Variants in C19orf18 observed in about 807,000 individuals in gnomAD.
C19orf18 encodes uncharacterized protein C19orf18.
C19orf18 carries 21 observed loss-of-function variants against 23.3 expected under a neutral mutation model. The observed-to-expected ratio is 0.90, with a 90% CI of 0.64 to 1.30. The LOEUF is 1.30. Among genes scored for constraint, C19orf18 ranks in the 50% most tolerant of loss-of-function variants. C19orf18 has a pLI of 0.00. For synonymous variants in C19orf18, 96 were observed against 95.2 expected (o/e 1.01, Z -0.05); for missense variants, 249 against 259.6 (o/e 0.96, Z 0.28).
chr19:57,966,353 T>A (rs2072907957), intron 4 of C19orf18, among the ~76,000 whole-genome samples, 177 bp downstream of exon 4: 2 of 152,126 alleles, frequency 1.3e-5, no homozygotes, highest in South Asian at 4.1e-4. Context: ...TTCATGTGTA[T>A]CATGCCTCAA....
intron 4 of C19orf18, among the ~76,000 whole-genome samples, chr19:57,963,845 A>G (rs1049445033): frequency 2.0e-5 from 3 of 152,098 alleles, no homozygotes; most frequent in Non-Finnish European, 2.9e-5. Context: ...AGCTGAGATG[A>G]CGCCACTGCA....
intron 3 of C19orf18, among the ~76,000 whole-genome samples, chr19:57,968,676 T>C (rs1335108476): frequency 6.6e-6 from 1 of 152,148 alleles, no homozygotes; most frequent in Non-Finnish European, 1.5e-5. Flanking sequence ...ATGAATAGCA[T>C]ATTTTTAATA....
intron 4 of C19orf18, among the ~76,000 whole-genome samples, chr19:57,961,892 CTT>C (rs534369230): frequency 1.1e-3 from 157 of 148,292 alleles, no homozygotes; most frequent in African/African-American, 3.7e-3. Flanking sequence ...TTTTCTTTCT[CTT>C]TTTTTTCCTT....
At chr19:57,963,129 T>C (rs2072885082) in intron 4 of C19orf18, among the ~76,000 whole-genome samples, 1 of 150,352 alleles carries the variant, frequency 6.7e-6, no homozygotes, top group South Asian at 2.1e-4. Context: ...CAGGTTCAAG[T>C]GATTCTCCTG....
intron 4 of C19orf18, among the ~76,000 whole-genome samples, chr19:57,964,522 T>A (rs571447573): frequency 1.3e-5 from 2 of 152,282 alleles, no homozygotes; most frequent in Non-Finnish European, 2.9e-5. Context: ...GCTTAAGGGA[T>A]CCACCCGCCT....
At chr19:57,964,956 C>G (rs73064281) in intron 4 of C19orf18, among the ~76,000 whole-genome samples, 1 of 152,060 alleles carries the variant, frequency 6.6e-6, no homozygotes, top group Non-Finnish European at 1.5e-5. Context: ...TCACTCAAAA[C>G]AGCTTGACCC....
At chr19:57,961,653 TG>T in intron 4 of C19orf18, 102 bp from the exon 5 acceptor site, 1 of 1,315,922 alleles carries the variant, frequency 7.6e-7, no homozygotes, top group East Asian at 2.3e-5. Flanking sequence ...GCTTGTGGAG[TG>T]GGTGCAGACA....
rs1229611060 is a variant in C19orf18, at chr19:57,974,351, C to T, written c.82G>A (p.Asp28Asn). Residue 28 changes from aspartate to asparagine, a missense_variant, in exon 1 of 6, where the codon GAT becomes AAT. Coordinates refer to ENST00000314391, the MANE Select transcript of C19orf18 (RefSeq NM_152474.5). ...ATGTTTCCAGTGGGATGGAGTCCAT[C>T]TGCATACGGCAAGCATAAATGAAGT... is the stretch of plus-strand genomic sequence containing the variant. The part of the protein sequence containing the change: ...CQLHLCLPYA[D>N]GLHPTGNITG... The T allele has an allele frequency of 6.2e-7, 1 of 1,614,162 alleles. No individual in the cohort carries two copies. Among genetic ancestry groups the T allele is most frequent in the Non-Finnish European group, 8.5e-7 (1 of 1,180,018 alleles).
intron 3 of C19orf18, among the ~76,000 whole-genome samples, chr19:57,972,231 A>T (rs2072949909): frequency 6.6e-6 from 1 of 152,232 alleles, no homozygotes; most frequent in African/African-American, 2.4e-5. Context: ...TCTCAGACAC[A>T]GCCTGTGCTC....
In C19orf18 at chr19:57,973,145, C is replaced by CAAAA. The variant is rs61625681; in HGVS notation, c.227-645_227-642dup. Among the ~76,000 whole-genome samples, 16 of 24,186 alleles carry CAAAA rather than the reference C, an allele frequency of 6.6e-4. 4 individuals carry two copies. Among genetic ancestry groups the CAAAA allele is most frequent in the Non-Finnish European group, 8.9e-4 (12 of 13,452 alleles). 15.9% of individuals were successfully genotyped at this position (24,186 alleles called of 152,430 possible). A position where few individuals can be genotyped will look rare whatever the true frequency, so the allele number is the denominator to read the frequency against. On this transcript the variant is annotated intron_variant, in intron 2 of 5. Transcript: ENST00000314391. ...TGGGTGACAGAGTGAGACTCCGTCT[C>CAAAA]AAAAAAAAAAAAAAAAAAAAAAAAA...
At chr19:57,963,664 G>C (rs946598578) in intron 4 of C19orf18, among the ~76,000 whole-genome samples, 2 of 152,074 alleles carry the variant, frequency 1.3e-5, no homozygotes, top group East Asian at 3.9e-4. Context: ...GAGGCGGGCG[G>C]ATCACGAGGT....
intron 2 of C19orf18, among the ~76,000 whole-genome samples, chr19:57,972,951 C>A (rs2072955076): frequency 6.6e-6 from 1 of 151,736 alleles, no homozygotes; most frequent in African/African-American, 2.4e-5. Flanking sequence ...AGTTCGAGAC[C>A]AGCCTGACCA....
At chr19:57,967,608 C>T (rs906999086) in intron 3 of C19orf18, among the ~76,000 whole-genome samples, 29 of 151,846 alleles carry the variant, frequency 1.9e-4, no homozygotes, top group African/African-American at 4.6e-4. Flanking sequence ...AAAAATTCAT[C>T]GGGTGCGGTG....
chr19:57,972,771 G>A (rs1389932286), intron 2 of C19orf18, among the ~76,000 whole-genome samples: 3 of 152,022 alleles, frequency 2.0e-5, no homozygotes, highest in African/African-American at 7.2e-5. Context: ...GATACTTTTG[G>A]TTTCTGGTCT....
intron 4 of C19orf18, among the ~76,000 whole-genome samples, chr19:57,964,889 C>T (rs974378170): frequency 6.6e-6 from 1 of 152,096 alleles, no homozygotes; most frequent in Non-Finnish European, 1.5e-5. Context: ...TGGTCAGAAC[C>T]GCATGAGATC....
At chr19:57,967,079 G>A (rs540183885) in intron 3 of C19orf18, among the ~76,000 whole-genome samples, 14 of 144,060 alleles carry the variant, frequency 9.7e-5, no homozygotes, top group African/African-American at 2.1e-4. Flanking sequence ...GTGAAACTCC[G>A]TCTCAAAAAA....
intron 3 of C19orf18, 78 bp downstream of exon 3, chr19:57,972,385 G>C (rs1207687453): frequency 5.8e-6 from 9 of 1,542,024 alleles, no homozygotes; most frequent in Non-Finnish European, 8.0e-6. Flanking sequence ...TGACCAGCCA[G>C]CACCCTCTGG....
In C19orf18 at chr19:57,966,586, C is replaced by T. The variant is rs774863435; in HGVS notation, c.315G>A (p.Ser105=). The change falls in exon 4 of 6, where the codon TCG becomes TCA. Residue 105 remains serine, a synonymous_variant. Transcript: ENST00000314391. ...TCAGGGCAATGCTGAAGGCTACGCT[C>T]GAAATTAAAATTACTTTAACAAGAG... The part of the protein sequence containing the change: ...RPALVKVILI[S]SVAFSIALIC... The T allele has an allele frequency of 3.9e-5, 63 of 1,612,926 alleles. No individual in the cohort carries two copies. Among genetic ancestry groups the T allele is most frequent in the Non-Finnish European group, 5.1e-5 (60 of 1,179,424 alleles).
chr19:57,966,668 T>C (rs2123226573), intron 3 of C19orf18, 36 bp from the exon 4 acceptor site: 7 of 1,455,104 alleles, frequency 4.8e-6, no homozygotes, highest in Non-Finnish European at 5.8e-6. Flanking sequence ...TGCTCAAAAA[T>C]GTTCATTTTA....
Sources: gnomAD v4.1 joint callset for allele counts (sites outside exome capture counted in the v4.1 genomes callset) on GRCh38, gnomAD v4.1.1 for gene constraint, MANE v1.5 for transcripts, NCBI Gene and HGNC (gene_info 2026-07-23, HGNC 2026-07-21) for gene names.